CCPG1: variants seen among roughly 807,000 people sequenced by gnomAD.
The protein encoded by CCPG1 is cell cycle progression protein 1.
Under a neutral mutation model 81.3 loss-of-function variants are expected in CCPG1, and 46 were observed. The ratio of observed to expected loss-of-function variants is 0.57; its 90% confidence interval spans 0.45 to 0.72. CCPG1 has a LOEUF of 0.72. Ranked by LOEUF, CCPG1 falls within the 30% of genes least tolerant of loss-of-function variation. The pLI is 0.00. For synonymous variants in CCPG1, 330 were observed against 305.2 expected (o/e 1.08, Z -0.85); for missense variants, 902 against 937.6 (o/e 0.96, Z 0.50).
chr15:55,356,276 G>A lies in CCPG1; in HGVS notation c.2368C>T (p.Gln790Ter). The A allele has an allele frequency of 6.5e-7, 1 of 1,534,734 alleles. No homozygotes were observed. The highest frequency in any genetic ancestry group is 2.4e-5 in the East Asian group (1 of 40,860). The change falls in exon 9 of 9, where the codon CAA (glutamine) becomes TAA (stop). Residue 790 changes from glutamine (Q) to a stop codon, truncating the protein, a stop_gained. Coordinates refer to ENST00000442196, the MANE Select transcript of CCPG1 (RefSeq NM_001204450.2). LOFTEE classifies it high-confidence loss of function. Reference sequence around the variant, plus strand: ...AATTCTATTTCAAGATTTGCCATTTGTCTTCCATTAGTGCGACCATATTTA... The same window carrying A: ...AATTCTATTTCAAGATTTGCCATTTATCTTCCATTAGTGCGACCATATTTA... ...WHKYGRTNGR[Q>*]MANLEIELGQ...
At chr15:55,397,096 T>C (rs1162807419) in intron 1 of CCPG1, among the ~76,000 whole-genome samples, 2 of 151,966 alleles carry the variant, frequency 1.3e-5, no homozygotes, top group Non-Finnish European at 2.9e-5. Flanking sequence ...CGCCTGTAGT[T>C]CCAGCTACTT....
chr15:55,393,563 G>A (rs1022110697), intron 1 of CCPG1, among the ~76,000 whole-genome samples: 1 of 152,168 alleles, frequency 6.6e-6, no homozygotes, highest in Non-Finnish European at 1.5e-5. Context: ...GTTGATGAGG[G>A]AAAGGGTTTA....
intron 1 of CCPG1, among the ~76,000 whole-genome samples, chr15:55,405,058 C>T (rs1399756487): frequency 1.3e-5 from 2 of 152,008 alleles, no homozygotes; most frequent in African/African-American, 4.8e-5. Flanking sequence ...AACCCAGTCT[C>T]TACTAAAAAT....
intron 8 of CCPG1, chr15:55,358,366 T>G (rs983844935): frequency 1.0e-6 from 1 of 985,256 alleles, no homozygotes; most frequent in Non-Finnish European, 1.2e-6. Flanking sequence ...GGGGGACTAC[T>G]GTAATCTAAA....
intron 7 of CCPG1, among the ~76,000 whole-genome samples, chr15:55,363,748 G>C (rs1447020347): frequency 6.7e-6 from 1 of 149,258 alleles, no homozygotes; most frequent in African/African-American, 2.4e-5. Context: ...TGTGAGAATT[G>C]GGGGTGGAAA....
rs762367445 is a variant in CCPG1, at chr15:55,371,980, A to G, written c.519T>C (p.Pro173=). 4.3e-6 allele frequency: 7 copies of G among 1,614,130 alleles called. No homozygotes were observed. The highest frequency in any genetic ancestry group is 2.2e-5 in the East Asian group (1 of 44,888). The change falls in exon 6 of 9, where the codon CCT becomes CCC. Residue 173 remains proline, a synonymous_variant. Coordinates refer to ENST00000442196, the MANE Select transcript of CCPG1 (RefSeq NM_001204450.2). The part of the protein sequence containing the change: ...SSDETSNQPS[P]AFRRRRARKK... Reference sequence around the variant, plus strand: ...TCCTAGCACGGCGTCGTCTAAAGGCAGGACTGGGCTGATTACTGGTTTCAT... The same window carrying G: ...TCCTAGCACGGCGTCGTCTAAAGGCGGGACTGGGCTGATTACTGGTTTCAT...
chr15:55,390,738 T>C (rs28407079), intron 1 of CCPG1, among the ~76,000 whole-genome samples: 7,659 of 152,018 alleles, frequency 0.05, 656 homozygotes, highest in African/African-American at 0.18. Flanking sequence ...TGAAAACTCC[T>C]GTACATTAAT....
At chr15:55,385,838 T>C (rs2056788181) in intron 2 of CCPG1, 124 bp from the exon 3 acceptor site, 2 of 656,232 alleles carry the variant, frequency 3.0e-6, no homozygotes, top group Non-Finnish European at 5.5e-6. Context: ...AAAGGAACAG[T>C]ATCTAATTAG....
At chr15:55,391,063 T>G (rs2056904324) in intron 1 of CCPG1, among the ~76,000 whole-genome samples, 4 of 152,342 alleles carry the variant, frequency 2.6e-5, no homozygotes, top group Admixed American at 1.3e-4. Flanking sequence ...TGTAGGATAT[T>G]AACCACGTTT....
At chr15:55,404,697 T>C (rs1346692425) in intron 1 of CCPG1, among the ~76,000 whole-genome samples, 1 of 152,110 alleles carries the variant, frequency 6.6e-6, no homozygotes, top group African/African-American at 2.4e-5. Flanking sequence ...TCTGGGAGGC[T>C]AAGGCAGGAA....
chr15:55,407,040 C>CCCCG, intron 1 of CCPG1, among the ~76,000 whole-genome samples: 1 of 132,636 alleles, frequency 7.5e-6, no homozygotes, highest in East Asian at 2.1e-4. Flanking sequence ...CGTTGAGACC[C>CCCCG]CCCCCCCCGC....
chr15:55,359,955 A>AT lies in CCPG1; in HGVS notation c.1817dup (p.Asn606LysfsTer12), dbSNP rs1428090013. 1.2e-6 allele frequency: 2 copies of AT among 1,612,776 alleles called. No individual in the cohort carries two copies. Among genetic ancestry groups the AT allele is most frequent in the Admixed American group, 1.7e-5 (1 of 59,800 alleles). ...CAGGACTGCATTTCTTTGAATTTGT[A>AT]TTTTTTCTGAATTCTTTAAAGTGAA... On this transcript the variant is annotated frameshift_variant, in exon 8 of 9. Transcript: ENST00000442196. LOFTEE classifies it high-confidence loss of function.
At position 55,359,697 on chromosome 15, in the gene CCPG1, A is replaced by G. The variant is rs376110929; in HGVS notation, c.2076T>C (p.His692=). The change falls in exon 8 of 9, where the codon CAT becomes CAC. Residue 692 remains histidine, a synonymous_variant. Transcript: ENST00000442196. ...CAAAGTCAGTGAAGAGCTTCTGATC[A>G]TGTATAAAGACACCGTTTAGGAAAA... ...NKFFLNGVFI[H]DQKLFTDFVN... is the part of the protein sequence containing the mutation. 142 of 1,613,620 alleles carry G rather than the reference A, an allele frequency of 8.8e-5. No homozygotes were observed. In the African/African-American group the frequency reaches 1.6e-3, roughly 18 times the overall value.
chr15:55,360,269 C>T lies in CCPG1; in HGVS notation c.1504G>A (p.Glu502Lys). 6.2e-7 allele frequency: 1 copy of T among 1,613,960 alleles called. No homozygotes were observed. Among genetic ancestry groups the T allele is most frequent in the Non-Finnish European group, 8.5e-7 (1 of 1,180,006 alleles). ...TFDAMKNSTK[E>K]FVRHHKEKIK... ...TTCTCTTTATGATGCCTTACAAACT[C>T]CTTGGTAGAATTCTTCATGGCATCA... Residue 502 changes from glutamate (E) to lysine (K), a missense_variant, in exon 8 of 9, where the codon GAG (glutamate) becomes AAG (lysine). Glu to Lys is a moderately conservative substitution (Grantham distance 56). Transcript: ENST00000442196.
chr15:55,399,592 A>C (rs923562268), intron 1 of CCPG1, among the ~76,000 whole-genome samples: 1 of 152,064 alleles, frequency 6.6e-6, no homozygotes, highest in Admixed American at 6.6e-5. Flanking sequence ...CTGTCAACCA[A>C]ATTGAATTCA....
At position 55,360,382 on chromosome 15, in the gene CCPG1, G is replaced by A; in HGVS notation, c.1391C>T (p.Thr464Ile). ...TCTGCCCCCTTTCTTTTTTCCATCT[G>A]TTCCTTGTTTTCCATTTTGATCTTT... ...EAKDQNGKQG[T>I]DGKKKGGRGS... The change falls in exon 8 of 9, where the codon ACA becomes ATA. Residue 464 changes from threonine (T) to isoleucine (I), a missense_variant. Transcript: ENST00000442196. 1 of 1,613,448 alleles carries A rather than the reference G, an allele frequency of 6.2e-7. No individual in the cohort carries two copies. The highest frequency in any genetic ancestry group is 8.5e-7 in the Non-Finnish European group (1 of 1,179,942).
At chr15:55,374,414 T>C (rs993073814) in intron 5 of CCPG1, among the ~76,000 whole-genome samples, 2 of 152,170 alleles carry the variant, frequency 1.3e-5, no homozygotes, top group African/African-American at 4.8e-5. Context: ...CAAACTTCTC[T>C]ACACTACCAA....
chr15:55,392,051 A>C (rs2056930098), intron 1 of CCPG1, among the ~76,000 whole-genome samples: 2 of 151,738 alleles, frequency 1.3e-5, no homozygotes, highest in Admixed American at 1.3e-4. Flanking sequence ...AAAAAATCAA[A>C]AGATCTGATG....
chr15:55,374,154 C>G, intron 5 of CCPG1: 7 of 1,287,620 alleles, frequency 5.4e-6, no homozygotes, highest in Non-Finnish European at 7.1e-6. Context: ...AGTCACACCA[C>G]CTTGGAAAGC....
Sources: gnomAD v4.1 joint callset for allele counts (sites outside exome capture counted in the v4.1 genomes callset) on GRCh38, gnomAD v4.1.1 for gene constraint, MANE v1.5 for transcripts, NCBI Gene and HGNC (gene_info 2026-07-23, HGNC 2026-07-21) for gene names.